AFF2: variants seen among roughly 807,000 people sequenced by gnomAD.
The protein encoded by AFF2 is ALF transcription elongation factor 2, also known as AF4/FMR2 family member 2.
Under a neutral mutation model 76.9 loss-of-function variants are expected in AFF2, and 14 were observed. That is an observed-to-expected ratio of 0.18 (90% CI 0.12 to 0.28). AFF2 has a LOEUF of 0.28. Ranked by LOEUF, AFF2 falls within the 10% of genes least tolerant of loss-of-function variation. AFF2 has a pLI of 1.00. For missense variants in AFF2, 868 were observed against 1,001.1 expected, an observed-to-expected ratio of 0.87 and a Z score of 1.79; for synonymous variants, 398 against 366.7, an observed-to-expected ratio of 1.09 and a Z score of -0.98.
chrX:148,513,481 G>GAA (rs1206146535), intron 1 of AFF2, among the ~76,000 whole-genome samples: 2 of 111,480 alleles, frequency 1.8e-5, no homozygotes, highest in African/African-American at 6.5e-5. Context: ...TTGCCCAACT[G>GAA]AAAAACTTTG....
chrX:148,645,549 G>T (rs1307595042), intron 1 of AFF2, among the ~76,000 whole-genome samples: 2 of 111,636 alleles, frequency 1.8e-5, no homozygotes, highest in Non-Finnish European at 3.8e-5. Context: ...ATCAGGTTAG[G>T]TTTCTAGTAG....
intron 1 of AFF2, among the ~76,000 whole-genome samples, chrX:148,581,440 A>G (rs2053398618): frequency 1.3e-5 from 1 of 75,149 alleles, no homozygotes. Flanking sequence ...GTGTACACAC[A>G]TATATACGTA....
intron 9 of AFF2, among the ~76,000 whole-genome samples, chrX:148,946,293 G>C (rs939511990): frequency 1.8e-5 from 2 of 112,239 alleles, no homozygotes; most frequent in Non-Finnish European, 3.8e-5. Flanking sequence ...TTCCCAGCAC[G>C]TCATTTAGCC....
At chrX:148,587,559 A>G (rs1557246050) in intron 1 of AFF2, among the ~76,000 whole-genome samples, 1 of 112,292 alleles carries the variant, frequency 8.9e-6, no homozygotes. Context: ...CTGCTTGAGC[A>G]TTAGAATACT....
chrX:148,731,174 C>T (rs1049444747), intron 3 of AFF2, among the ~76,000 whole-genome samples: 1 of 112,046 alleles, frequency 8.9e-6, no homozygotes, highest in African/African-American at 3.2e-5. Context: ...TTCTGCTGCA[C>T]GTGTCCACAC....
chrX:148,613,681 C>G (rs1208862288), intron 1 of AFF2, among the ~76,000 whole-genome samples: 1 of 111,446 alleles, frequency 9.0e-6, no homozygotes, highest in Non-Finnish European at 1.9e-5. Context: ...CTCATGAGCC[C>G]TGTGCTATAG....
chrX:148,746,535 T>C (rs2055422178), intron 3 of AFF2, among the ~76,000 whole-genome samples: 1 of 112,409 alleles, frequency 8.9e-6, no homozygotes, highest in East Asian at 2.8e-4. Flanking sequence ...TTGGAGCACA[T>C]TAAACCCCTG....
chrX:148,909,842 T>A (rs782172471), intron 9 of AFF2, among the ~76,000 whole-genome samples: 6 of 112,760 alleles, frequency 5.3e-5, no homozygotes, highest in Non-Finnish European at 1.1e-4. Flanking sequence ...AGCAGTCATC[T>A]CCAAGATTTC....
At chrX:148,575,032 A>G (rs1189705683) in intron 1 of AFF2, among the ~76,000 whole-genome samples, 2 of 109,144 alleles carry the variant, frequency 1.8e-5, no homozygotes, top group Non-Finnish European at 3.8e-5. Flanking sequence ...CAAGAGAAGC[A>G]CTAAGTAAAT....
intron 9 of AFF2, among the ~76,000 whole-genome samples, chrX:148,909,212 G>A (rs782255955): frequency 8.9e-5 from 10 of 112,030 alleles, no homozygotes; most frequent in Non-Finnish European, 1.7e-4. Context: ...AAAATCATAT[G>A]GATATGAGAT....
intron 7 of AFF2, among the ~76,000 whole-genome samples, chrX:148,844,577 A>T (rs2070642340): frequency 8.9e-6 from 1 of 112,063 alleles, no homozygotes; most frequent in African/African-American, 3.2e-5. Flanking sequence ...TAATAGGCAC[A>T]TACTTGGAAT....
Position 148,627,813 on chromosome X carries a change from A to G in AFF2, c.48-24186A>G, listed in dbSNP as rs782109229. On this transcript the variant is annotated intron_variant, in intron 1 of 20. Coordinates refer to ENST00000370460, the MANE Select transcript of AFF2 (RefSeq NM_002025.4). ...GCAAGTTTGAGAAAAAAATTGTATC[A>G]TATGAACTTTGAGACATTGGAGGGC... Among the ~76,000 whole-genome samples the G allele has an allele frequency of 8.9e-5, 10 of 111,870 alleles. No individual in the cohort carries two copies. In the South Asian group the frequency reaches 3.7e-3, roughly 42 times the overall value.
In AFF2 at chrX:148,860,207, C is replaced by T. The variant is rs782218857; in HGVS notation, c.1262+16774C>T. Among the ~76,000 whole-genome samples, 19 of 111,703 alleles carry T rather than the reference C, an allele frequency of 1.7e-4. No homozygotes were observed. In the South Asian group the frequency reaches 2.6e-3, roughly 16 times the overall value. ...CAAAATGCCGTATTTCAGCAGCAGC[C>T]GATCAAATACGGCCTTGTTCTTGTT... On this transcript the variant is annotated intron_variant, in intron 7 of 20. Coordinates refer to ENST00000370460, the MANE Select transcript of AFF2 (RefSeq NM_002025.4).
intron 3 of AFF2, among the ~76,000 whole-genome samples, chrX:148,746,608 G>T (rs1166395857): frequency 8.9e-6 from 1 of 112,683 alleles, no homozygotes; most frequent in Non-Finnish European, 1.9e-5. Context: ...ATACAAGTCA[G>T]CATAGTAAGA....
At chrX:148,844,160 A>G (rs1375420795) in intron 7 of AFF2, among the ~76,000 whole-genome samples, 1 of 112,140 alleles carries the variant, frequency 8.9e-6, no homozygotes, top group Non-Finnish European at 1.9e-5. Flanking sequence ...ATTTTACACA[A>G]TATTCAGTCA....
chrX:148,836,294 A>G (rs1247132302), intron 4 of AFF2, among the ~76,000 whole-genome samples: 5 of 112,093 alleles, frequency 4.5e-5, no homozygotes, highest in South Asian at 7.4e-4. Context: ...TCAGAATAAT[A>G]CTTACAAATT....
At chrX:148,866,332 TCC>T (rs1234437296) in intron 7 of AFF2, among the ~76,000 whole-genome samples, 2 of 111,850 alleles carry the variant, frequency 1.8e-5, no homozygotes, top group East Asian at 5.6e-4. Context: ...GGTTTGTTTG[TCC>T]CTGCTTAAAG....
At chrX:148,903,422 AG>A (rs2071375213) in intron 8 of AFF2, among the ~76,000 whole-genome samples, 1 of 112,268 alleles carries the variant, frequency 8.9e-6, no homozygotes. Flanking sequence ...CCTGTGGAGA[AG>A]GAAACAGAAA....
At chrX:148,772,452 G>T (rs1423388922) in intron 3 of AFF2, among the ~76,000 whole-genome samples, 3 of 110,761 alleles carry the variant, frequency 2.7e-5, no homozygotes, top group African/African-American at 9.8e-5. Flanking sequence ...TTTAACGTTG[G>T]CTGTATAGAA....
Sources: gnomAD v4.1 joint callset for allele counts (sites outside exome capture counted in the v4.1 genomes callset) on GRCh38, gnomAD v4.1.1 for gene constraint, MANE v1.5 for transcripts, NCBI Gene and HGNC (gene_info 2026-07-23, HGNC 2026-07-21) for gene names.